GPC5: variants seen among roughly 807,000 people sequenced by gnomAD.
GPC5 encodes the protein glypican-5.
GPC5 carries 47 observed loss-of-function variants against 53.9 expected under a neutral mutation model. The ratio of observed to expected loss-of-function variants is 0.87; its 90% CI spans 0.69 to 1.11. GPC5 has a LOEUF of 1.11. Ranked by LOEUF, GPC5 falls within the 50% of genes most tolerant of loss-of-function variation. GPC5 has a pLI of 0.00. For synonymous variants in GPC5, 286 were observed against 263.3 expected, an observed-to-expected ratio of 1.09 and a Z score of -0.84; for missense variants, 748 against 713.1, an observed-to-expected ratio of 1.05 and a Z score of -0.56.
chr13:92,605,875 G>T (rs1314082106), intron 7 of GPC5, among the ~76,000 whole-genome samples: 1 of 151,886 alleles, frequency 6.6e-6, no homozygotes, highest in Non-Finnish European at 1.5e-5. Flanking sequence ...ATAATATTAG[G>T]TTATTAATCA....
At chr13:91,743,865 C>G (rs1264270940) in intron 4 of GPC5, among the ~76,000 whole-genome samples, 1 of 152,116 alleles carries the variant, frequency 6.6e-6, no homozygotes, top group Admixed American at 6.6e-5. Flanking sequence ...CAAGGTATCT[C>G]TTTTTGTTTT....
intron 6 of GPC5, among the ~76,000 whole-genome samples, chr13:92,106,460 T>A (rs1381654270): frequency 6.6e-6 from 1 of 152,066 alleles, no homozygotes; most frequent in Admixed American, 6.6e-5. Flanking sequence ...TTTCACTTGA[T>A]AAGCCTTAAA....
At chr13:92,063,006 G>C (rs1043739264) in intron 6 of GPC5, among the ~76,000 whole-genome samples, 4 of 151,394 alleles carry the variant, frequency 2.6e-5, no homozygotes, top group African/African-American at 9.8e-5. Flanking sequence ...ATATGAAGGA[G>C]AGATAGTAAA....
intron 7 of GPC5, among the ~76,000 whole-genome samples, chr13:92,643,992 A>G (rs1487386262): frequency 1.3e-5 from 2 of 152,226 alleles, no homozygotes; most frequent in African/African-American, 4.8e-5. Flanking sequence ...AGAAACCTAC[A>G]CATGGAACAG....
At chr13:92,839,743 A>G (rs1260615817) in intron 7 of GPC5, among the ~76,000 whole-genome samples, 1 of 152,120 alleles carries the variant, frequency 6.6e-6, no homozygotes, top group African/African-American at 2.4e-5. Context: ...ATAGACTGCT[A>G]GCTAGACTAA....
chr13:91,410,561 T>A (rs1268655919), intron 1 of GPC5, among the ~76,000 whole-genome samples: 7 of 151,656 alleles, frequency 4.6e-5, no homozygotes, highest in Non-Finnish European at 1.0e-4. Flanking sequence ...TTAGCCAGGA[T>A]GGTCTCGATC....
chr13:91,520,421 G>T (rs976220754), intron 2 of GPC5, among the ~76,000 whole-genome samples: 5 of 152,120 alleles, frequency 3.3e-5, no homozygotes, highest in African/African-American at 1.2e-4. Context: ...TTTGAATAAA[G>T]TAGATTACAC....
At chr13:91,689,176 CATATATAAATATATATATAT>C (rs1278145886) in intron 2 of GPC5, among the ~76,000 whole-genome samples, 2 of 59,006 alleles carry the variant, frequency 3.4e-5, no homozygotes, top group African/African-American at 5.8e-5. Flanking sequence ...CTCAAAAAAT[CATATATAAATATATATATAT>C]ATATATATAT....
chr13:91,869,031 T>C (rs1297151841), intron 5 of GPC5, among the ~76,000 whole-genome samples: 1 of 151,894 alleles, frequency 6.6e-6, no homozygotes, highest in African/African-American at 2.4e-5. Context: ...GTGTTGTTTT[T>C]TGTTTTGTTT....
At chr13:91,737,211 T>C (rs1022189447) in intron 4 of GPC5, among the ~76,000 whole-genome samples, 1 of 151,474 alleles carries the variant, frequency 6.6e-6, no homozygotes, top group African/African-American at 2.5e-5. Context: ...TTGGGATCTG[T>C]TTCCTTAAAG....
intron 7 of GPC5, among the ~76,000 whole-genome samples, chr13:92,414,467 T>G (rs1876190196): frequency 6.7e-6 from 1 of 148,512 alleles, no homozygotes; most frequent in South Asian, 2.1e-4. Flanking sequence ...ATTGTGCCAC[T>G]GCACTCCAGC....
intron 6 of GPC5, among the ~76,000 whole-genome samples, chr13:91,914,437 C>G (rs534233227): frequency 1.1e-3 from 166 of 151,686 alleles, no homozygotes; most frequent in Non-Finnish European, 1.9e-3. Flanking sequence ...TTATAGAGAC[C>G]CAAACTTCTT....
chr13:91,912,926 T>C (rs1165428829), intron 6 of GPC5, among the ~76,000 whole-genome samples: 1 of 152,164 alleles, frequency 6.6e-6, no homozygotes, highest in African/African-American at 2.4e-5. Flanking sequence ...CAGCTTTCTC[T>C]TCATGTTAAA....
Position 91,538,380 on chromosome 13 carries a change from G to A in GPC5, c.325+89458G>A, listed in dbSNP as rs1192555480. 2.6e-5 allele frequency among the ~76,000 whole-genome samples: 4 copies of A among 152,010 alleles called. No individual in the cohort carries two copies. In the East Asian group the frequency reaches 7.7e-4, roughly 29 times the overall value. On this transcript the variant is annotated intron_variant, in intron 2 of 7. Transcript: ENST00000377067. Reference sequence around the variant, plus strand: ...CAAAACATGTAGTTGTAACCTTTTTGAATAAAGGAATAACTTAAGAAAAAG... The same window carrying A: ...CAAAACATGTAGTTGTAACCTTTTTAAATAAAGGAATAACTTAAGAAAAAG...
chr13:91,992,963 C>T (rs997316070), intron 6 of GPC5, among the ~76,000 whole-genome samples: 1 of 152,114 alleles, frequency 6.6e-6, no homozygotes, highest in Admixed American at 6.5e-5. Context: ...AGTTGTAACA[C>T]AAAGGAACAG....
intron 5 of GPC5, among the ~76,000 whole-genome samples, chr13:91,874,057 T>C (rs2039176859): frequency 6.6e-6 from 1 of 152,194 alleles, no homozygotes; most frequent in South Asian, 2.1e-4. Context: ...CATGTTCTTG[T>C]ATGAGTTAAA....
intron 2 of GPC5, among the ~76,000 whole-genome samples, chr13:91,671,115 T>G (rs1006712343): frequency 6.6e-6 from 1 of 152,236 alleles, no homozygotes. Flanking sequence ...CAGTTAGCCT[T>G]AATTAAATTG....
intron 7 of GPC5, among the ~76,000 whole-genome samples, chr13:92,550,455 A>C (rs990332091): frequency 2.0e-5 from 3 of 151,876 alleles, no homozygotes; most frequent in Non-Finnish European, 4.4e-5. Context: ...TGAGACTATA[A>C]ATTAATTTTA....
At chr13:91,492,052 T>C (rs185669621) in intron 2 of GPC5, among the ~76,000 whole-genome samples, 2 of 152,214 alleles carry the variant, frequency 1.3e-5, no homozygotes, top group African/African-American at 4.8e-5. Context: ...AGTTGATATC[T>C]CTATTTTAGC....
Sources: gnomAD v4.1 joint callset for allele counts (sites outside exome capture counted in the v4.1 genomes callset) on GRCh38, gnomAD v4.1.1 for gene constraint, MANE v1.5 for transcripts, NCBI Gene and HGNC (gene_info 2026-07-23, HGNC 2026-07-21) for gene names.